The following ZZZ3 variants were observed in gnomAD, a reference collection of about 807,000 sequenced individuals.
ZZZ3 encodes the protein ZZ-type zinc finger-containing protein 3.
Under a neutral mutation model 95.2 loss-of-function variants are expected in ZZZ3, and 22 were observed. The ratio of observed to expected loss-of-function variants is 0.23; its 90% CI spans 0.17 to 0.33. The LOEUF (loss-of-function observed/expected upper bound fraction) is 0.33, where lower values mean the gene tolerates loss of function less well. Among genes scored for constraint, ZZZ3 ranks in the 10% least tolerant of loss-of-function variants. The probability of loss-of-function intolerance (pLI) is 1.00; values close to 1 mark genes in which losing one functional copy is unlikely to be tolerated. For synonymous variants in ZZZ3, 335 were observed against 358.9 expected, an observed-to-expected ratio of 0.93 and a Z score of 0.75; for missense variants, 885 against 1,066.5, an observed-to-expected ratio of 0.83 and a Z score of 2.37.
chr1:77,634,770 T>C (rs1215683681), intron 4 of ZZZ3, among the ~76,000 whole-genome samples: 1 of 152,072 alleles, frequency 6.6e-6, no homozygotes, highest in Non-Finnish European at 1.5e-5. Flanking sequence ...GGTAAACTAG[T>C]GATTTGGTGA....
chr1:77,658,515 C>CTTT lies in ZZZ3; in HGVS notation c.-402-16863_-402-16861dup, dbSNP rs111821277. 8.0e-4 allele frequency among the ~76,000 whole-genome samples: 105 copies of CTTT among 131,780 alleles called. 3 individuals are homozygous for CTTT. The highest frequency in any genetic ancestry group is 1.8e-3 in the African/African-American group (68 of 37,954). The allele number at this position is 131,780 out of a possible 152,430, so 86.5% of individuals were successfully genotyped here. ...AGGTGTGTACACTACCACATCCTGG[C>CTTT]TTTTTTTTTTTTTCTTCTTCTTCTT... On this transcript the variant is annotated intron_variant, in intron 1 of 14. Coordinates refer to ENST00000370801, the MANE Select transcript of ZZZ3 (RefSeq NM_015534.6).
intron 1 of ZZZ3, among the ~76,000 whole-genome samples, chr1:77,682,181 GGGA>G (rs1359010661): frequency 2.0e-5 from 3 of 152,170 alleles, no homozygotes; most frequent in African/African-American, 4.8e-5. Context: ...GAAAATAGAT[GGGA>G]GGAGTTCTGT....
intron 5 of ZZZ3, among the ~76,000 whole-genome samples, chr1:77,621,981 G>A (rs1666914248): frequency 6.6e-6 from 1 of 151,940 alleles, no homozygotes; most frequent in Admixed American, 6.6e-5. Context: ...TCTTAATTAT[G>A]TTTTGAGAAC....
intron 1 of ZZZ3, among the ~76,000 whole-genome samples, chr1:77,674,731 C>T (rs1487046078): frequency 6.6e-6 from 1 of 152,004 alleles, no homozygotes; most frequent in East Asian, 1.9e-4. Context: ...GTGGGCAGAT[C>T]ACTTGAGGTC....
chr1:77,617,747 A>G (rs1366933388), intron 5 of ZZZ3, among the ~76,000 whole-genome samples: 2 of 151,310 alleles, frequency 1.3e-5, no homozygotes, highest in African/African-American at 4.9e-5. Flanking sequence ...GAGACCAGCC[A>G]AGCCAACACG....
At chr1:77,615,638 A>T (rs1192864882) in intron 5 of ZZZ3, among the ~76,000 whole-genome samples, 1 of 152,198 alleles carries the variant, frequency 6.6e-6, no homozygotes, top group African/African-American at 2.4e-5. Flanking sequence ...ATATTTCTCC[A>T]TGTTACATAT....
intron 5 of ZZZ3, among the ~76,000 whole-genome samples, chr1:77,598,830 T>A (rs1664459162): frequency 6.6e-6 from 1 of 152,186 alleles, no homozygotes; most frequent in South Asian, 2.1e-4. Flanking sequence ...GCATTTCCCA[T>A]GTTGTAAAAC....
chr1:77,669,850 TAAA>T (rs749211182), intron 1 of ZZZ3, among the ~76,000 whole-genome samples: 1 of 148,658 alleles, frequency 6.7e-6, no homozygotes, highest in Non-Finnish European at 1.5e-5. Flanking sequence ...CCAGCTGATT[TAAA>T]AAAAAAAGAA....
chr1:77,680,070 A>T (rs115681945), intron 1 of ZZZ3, among the ~76,000 whole-genome samples: 2,074 of 152,332 alleles, frequency 0.014, 21 homozygotes, highest in Middle Eastern at 0.044. Flanking sequence ...CTTCAAACTC[A>T]TTGTCATTTT....
At chr1:77,602,223 C>T (rs1268001593) in intron 5 of ZZZ3, among the ~76,000 whole-genome samples, 1 of 152,070 alleles carries the variant, frequency 6.6e-6, no homozygotes, top group Non-Finnish European at 1.5e-5. Context: ...GAAAGCTATG[C>T]ACTTTAAAGA....
intron 5 of ZZZ3, among the ~76,000 whole-genome samples, chr1:77,621,901 T>C (rs759914359): frequency 3.7e-4 from 56 of 152,248 alleles, no homozygotes; most frequent in Non-Finnish European, 6.2e-4. Context: ...TCTTACACTT[T>C]TTCAATCTCA....
chr1:77,669,306 A>G (rs182578560), intron 1 of ZZZ3, among the ~76,000 whole-genome samples: 10 of 152,240 alleles, frequency 6.6e-5, no homozygotes, highest in Non-Finnish European at 1.3e-4. Flanking sequence ...TACATTACAT[A>G]GATTGTGAAT....
At chr1:77,658,924 T>A (rs1670536133) in intron 1 of ZZZ3, among the ~76,000 whole-genome samples, 1 of 152,234 alleles carries the variant, frequency 6.6e-6, no homozygotes, top group African/African-American at 2.4e-5. Flanking sequence ...TTAAAAATTC[T>A]AAATGCATTT....
chr1:77,678,503 A>G (rs2101091232), intron 1 of ZZZ3, among the ~76,000 whole-genome samples: 1 of 152,356 alleles, frequency 6.6e-6, no homozygotes, highest in South Asian at 2.1e-4. Flanking sequence ...TACACAGAAT[A>G]AAAGTTCATT....
At chr1:77,568,541 G>T in intron 12 of ZZZ3, 75 bp from the exon 13 acceptor site, 1 of 730,714 alleles carries the variant, frequency 1.4e-6, no homozygotes. Context: ...TACTGATACA[G>T]AATATTTTTC....
chr1:77,592,530 G>A (rs1663813106), intron 5 of ZZZ3, among the ~76,000 whole-genome samples: 1 of 152,026 alleles, frequency 6.6e-6, no homozygotes, highest in South Asian at 2.1e-4. Flanking sequence ...TCGAAATCCT[G>A]ACCTCAAGTG....
intron 5 of ZZZ3, among the ~76,000 whole-genome samples, chr1:77,631,129 G>GA (rs1222951925): frequency 6.6e-6 from 1 of 152,120 alleles, no homozygotes; most frequent in Non-Finnish European, 1.5e-5. Flanking sequence ...ATCTAGGCAA[G>GA]AAATATTGTG....
intron 1 of ZZZ3, among the ~76,000 whole-genome samples, chr1:77,658,765 A>T (rs1226050399): frequency 6.6e-6 from 1 of 152,162 alleles, no homozygotes; most frequent in African/African-American, 2.4e-5. Context: ...TATACTATTT[A>T]TTATTTAAAA....
At chr1:77,607,857 T>G (rs1427684392) in intron 5 of ZZZ3, among the ~76,000 whole-genome samples, 1 of 149,976 alleles carries the variant, frequency 6.7e-6, no homozygotes, top group Non-Finnish European at 1.5e-5. Context: ...GAGGCAGAGG[T>G]TGCAGTGAGT....
Sources: allele counts gnomAD v4.1 joint callset (sites outside exome capture counted in the v4.1 genomes callset), GRCh38; gene constraint gnomAD v4.1.1; transcripts MANE v1.5; gene names NCBI Gene and HGNC (gene_info 2026-07-23, HGNC 2026-07-21).